Variants in MB observed in about 807,000 individuals in gnomAD.
MB encodes myoglobin.
Under a neutral mutation model 14.5 loss-of-function variants are expected in MB, and 10 were observed. That is an observed-to-expected ratio of 0.69 (90% CI 0.43 to 1.17). The LOEUF is 1.17. Ranked by LOEUF, MB falls within the 50% of genes most tolerant of loss-of-function variation. The pLI, the probability that MB is intolerant of heterozygous loss-of-function variation, is 0.00. For synonymous variants in MB, 89 were observed against 78.6 expected (o/e 1.13, Z -0.70); for missense variants, 169 against 192.7 (o/e 0.88, Z 0.73).
chr22:35,610,072 C>T (rs775565961), intron 2 of MB, among the ~76,000 whole-genome samples: 1 of 152,174 alleles, frequency 6.6e-6, no homozygotes, highest in Non-Finnish European at 1.5e-5. Flanking sequence ...GGGTAGCTAT[C>T]ACCACATCCT....
chr22:35,613,931 G>A (rs1922859499), intron 1 of MB, among the ~76,000 whole-genome samples: 1 of 152,232 alleles, frequency 6.6e-6, no homozygotes, highest in Non-Finnish European at 1.5e-5. Flanking sequence ...AGCCACAGAA[G>A]GCCATTCTCC....
chr22:35,622,269 C>T (rs1923517921), upstream of MB, among the ~76,000 whole-genome samples: 1 of 152,096 alleles, frequency 6.6e-6, no homozygotes, highest in African/African-American at 2.4e-5. Context: ...TCCCACCCCA[C>T]CCCCAGCTTA....
chr22:35,622,319 C>T (rs550704906), upstream of MB, among the ~76,000 whole-genome samples: 3 of 152,106 alleles, frequency 2.0e-5, no homozygotes, highest in South Asian at 2.1e-4. Flanking sequence ...CCTGGACCAG[C>T]GCCAGGCCAG....
upstream of MB, among the ~76,000 whole-genome samples, chr22:35,620,288 C>T (rs1923380064): frequency 1.3e-5 from 2 of 152,120 alleles, no homozygotes; most frequent in African/African-American, 2.4e-5. Flanking sequence ...GAGCCGAGAT[C>T]GCTGTACTCC....
At chr22:35,614,375 G>A (rs1356247527) in intron 1 of MB, among the ~76,000 whole-genome samples, 1 of 152,014 alleles carries the variant, frequency 6.6e-6, no homozygotes, top group Non-Finnish European at 1.5e-5. Context: ...ATCACCTGAG[G>A]TCAGGAGTTC....
rs941925098 is a variant in MB at position 35,608,204 on chromosome 22, C to T, written c.319-761G>A. ...GTGCTGCTTTAGGGATGGAAAGACT[C>T]ATGGATGTGAAATGCGGCTGTGCTT... On this transcript the variant is annotated intron_variant, in intron 2 of 2. Transcript: ENST00000397326. This position sits in a 1 kb window ranked among gnomAD's most constrained non-coding sequence, Gnocchi z 4.3. 6.6e-6 allele frequency among the ~76,000 whole-genome samples: 1 copy of T among 152,208 alleles called. No individual in the cohort carries two copies. The highest frequency in any genetic ancestry group is 2.4e-5 in the African/African-American group (1 of 41,452).
upstream of MB, among the ~76,000 whole-genome samples, chr22:35,619,607 G>A (rs931216495): frequency 2.6e-5 from 4 of 152,236 alleles, no homozygotes; most frequent in Non-Finnish European, 5.9e-5. Context: ...CATCTGAATA[G>A]TCAGCATCTA....
intron 1 of MB, 25 bp downstream of exon 1, chr22:35,617,138 G>A: frequency 2.5e-6 from 4 of 1,570,312 alleles, no homozygotes; most frequent in Non-Finnish European, 3.5e-6. Flanking sequence ...TGGGTGGCAG[G>A]GGCAATGGAA....
At position 35,611,102 on chromosome 22, in the gene MB, A is replaced by G. The variant is rs1922589366; in HGVS notation, c.100T>C (p.Phe34Leu). 6.2e-7 allele frequency: 1 copy of G among 1,613,556 alleles called. No homozygotes were observed. Among genetic ancestry groups the G allele is most frequent in the Admixed American group, 1.7e-5 (1 of 59,986 alleles). ...GHGQEVLIRL[F>L]KGHPETLEKF... ...TCCAGAGTCTCTGGGTGACCCTTAA[A>G]GAGCCTGTGGGCACAGGGAAGGCTG... The change falls in exon 2 of 3, where the codon TTT becomes CTT. Residue 34 changes from phenylalanine to leucine, a missense_variant. Phe to Leu is a conservative substitution (Grantham distance 22). Coordinates refer to ENST00000397326, the MANE Select transcript of MB (RefSeq NM_005368.3).
At chr22:35,613,695 C>T (rs1304519499) in intron 1 of MB, among the ~76,000 whole-genome samples, 1 of 151,910 alleles carries the variant, frequency 6.6e-6, no homozygotes, top group Non-Finnish European at 1.5e-5. Context: ...AGGGGGGTCT[C>T]ACTATGTGGC....
At chr22:35,618,636 C>A (rs1411682963), upstream of MB, among the ~76,000 whole-genome samples, 1 of 152,032 alleles carries the variant, frequency 6.6e-6, no homozygotes, top group East Asian at 1.9e-4. Context: ...TCCGACATCC[C>A]TTAATTCATC....
chr22:35,610,781 T>A (rs947952186), intron 2 of MB, 103 bp downstream of exon 2: 4 of 859,992 alleles, frequency 4.7e-6, no homozygotes, highest in Non-Finnish European at 7.4e-6. Context: ...GTGGCATAGG[T>A]CATCCCACAA....
chr22:35,609,317 G>A lies in MB; in HGVS notation c.318+1567C>T, dbSNP rs577945556. The stretch of plus-strand genomic sequence containing the variant: ...CAGGGAGGGGCTGGCAGATGGAACC[G>A]CTGAAAGCCTCGTGGGCCTGGGGTT... On this transcript the variant is annotated intron_variant, in intron 2 of 2. Transcript: ENST00000397326. 8.5e-5 allele frequency among the ~76,000 whole-genome samples: 13 copies of A among 152,320 alleles called. No individual in the cohort carries two copies. The South Asian group carries it at 1.4e-3, about 17-fold the overall frequency.
At chr22:35,616,817 C>A (rs5755799) in intron 1 of MB, among the ~76,000 whole-genome samples, 1 of 151,916 alleles carries the variant, frequency 6.6e-6, no homozygotes, top group African/African-American at 2.4e-5. Context: ...CTTCTCAGTC[C>A]CTTTTTGTCC....
chr22:35,609,584 C>G (rs569765398), intron 2 of MB, among the ~76,000 whole-genome samples: 6 of 152,276 alleles, frequency 3.9e-5, no homozygotes, highest in African/African-American at 1.2e-4. Flanking sequence ...GAGCCTGGTT[C>G]CAGAGTACCA....
chr22:35,613,397 G>A (rs371350028), intron 1 of MB, among the ~76,000 whole-genome samples: 5 of 152,330 alleles, frequency 3.3e-5, no homozygotes, highest in African/African-American at 9.6e-5. Context: ...TAGCCTCTCT[G>A]GATCATTGCT....
At position 35,610,879 on chromosome 22, in the gene MB, C is replaced by G. The variant is rs1229214349; in HGVS notation, c.318+5G>C. The G allele has an allele frequency of 2.5e-6, 4 of 1,571,122 alleles. No individual in the cohort carries two copies. ...TCCTCCCACCTGCCCAGGCTCTGCTCCTACCTCCAGGTACTTCACGGGGAT... is the reference window on the plus strand; with the variant it reads ...TCCTCCCACCTGCCCAGGCTCTGCTGCTACCTCCAGGTACTTCACGGGGAT... On this transcript the variant is annotated splice_donor_5th_base_variant and intron_variant, in intron 2 of 2. Transcript: ENST00000397326.
chr22:35,615,396 C>G (rs1441949803), intron 1 of MB, among the ~76,000 whole-genome samples: 1 of 152,182 alleles, frequency 6.6e-6, no homozygotes, highest in Admixed American at 6.5e-5. Flanking sequence ...TTTCAGGGAC[C>G]AGCAACCCTA....
In MB at chr22:35,616,886, G is replaced by A. The variant is rs73405610; in HGVS notation, c.95+277C>T. Reference sequence around the variant, plus strand: ...CTCAGGACCCTTGTTAACTCTGACTGTCTATAATTCTAAAATTCTTCCTGG... The same window carrying A: ...CTCAGGACCCTTGTTAACTCTGACTATCTATAATTCTAAAATTCTTCCTGG... On this transcript the variant is annotated intron_variant, in intron 1 of 2. Transcript: ENST00000397326. Among the ~76,000 whole-genome samples, 269 of 152,274 alleles carry A rather than the reference G, an allele frequency of 1.8e-3. 1 individual carries two copies. The highest frequency in any genetic ancestry group is 6.3e-3 in the African/African-American group (262 of 41,562).
Sources: allele counts gnomAD v4.1 joint callset (sites outside exome capture counted in the v4.1 genomes callset), GRCh38; gene constraint gnomAD v4.1.1; non-coding constraint Gnocchi (gnomAD v3.1); transcripts MANE v1.5; gene names NCBI Gene and HGNC (gene_info 2026-07-23, HGNC 2026-07-21).